Variants in GRID2 observed in about 807,000 individuals in gnomAD.
GRID2 encodes the protein glutamate receptor ionotropic, delta-2.
In GRID2, 33 loss-of-function variants were observed where a neutral mutation model predicts 114.8. That is an observed-to-expected ratio of 0.29 (90% CI 0.22 to 0.38). The LOEUF (loss-of-function observed/expected upper bound fraction) is 0.38, where lower values mean the gene tolerates loss of function less well. GRID2 is among the 10% of genes least tolerant of loss of function. The pLI, the probability that GRID2 is intolerant of heterozygous loss-of-function variation, is 1.00. For missense variants in GRID2, 1,184 were observed against 1,257.7 expected, an observed-to-expected ratio of 0.94 and a Z score of 0.89; for synonymous variants, 505 against 449.9, an observed-to-expected ratio of 1.12 and a Z score of -1.55.
At chr4:92,788,017 A>G (rs892798184) in intron 2 of GRID2, among the ~76,000 whole-genome samples, 2 of 151,882 alleles carry the variant, frequency 1.3e-5, no homozygotes, top group Non-Finnish European at 2.9e-5. Context: ...TAAGAGTTAA[A>G]TATATATAAT....
chr4:93,153,798 G>T (rs2149399985), intron 4 of GRID2, among the ~76,000 whole-genome samples: 1 of 152,140 alleles, frequency 6.6e-6, no homozygotes, highest in South Asian at 2.1e-4. Flanking sequence ...GAAATAATTG[G>T]AATTTAGTTC....
intron 4 of GRID2, among the ~76,000 whole-genome samples, chr4:93,194,071 T>C: frequency 6.6e-6 from 1 of 152,184 alleles, no homozygotes; most frequent in Non-Finnish European, 1.5e-5. Context: ...TTTAACAGTT[T>C]AGCGGAACTC....
intron 1 of GRID2, among the ~76,000 whole-genome samples, chr4:92,509,806 G>A (rs567098197): frequency 2.0e-5 from 3 of 151,940 alleles, no homozygotes; most frequent in East Asian, 3.9e-4. Flanking sequence ...CAGCATGCTC[G>A]GTATATTGTA....
intron 1 of GRID2, among the ~76,000 whole-genome samples, chr4:93,783,396 A>C (rs4693340): frequency 6.6e-6 from 1 of 152,122 alleles, no homozygotes; most frequent in Non-Finnish European, 1.5e-5. Context: ...TTTCCTCCTC[A>C]ATGGGCTATT....
intron 2 of GRID2, among the ~76,000 whole-genome samples, chr4:92,879,047 A>C (rs906959863): frequency 6.6e-6 from 1 of 152,162 alleles, no homozygotes; most frequent in Non-Finnish European, 1.5e-5. Flanking sequence ...GCTTTATCTT[A>C]TTTTGACATC....
chr4:92,671,098 C>A (rs965263342), intron 2 of GRID2, among the ~76,000 whole-genome samples: 1 of 151,968 alleles, frequency 6.6e-6, no homozygotes, highest in Non-Finnish European at 1.5e-5. Context: ...ACTCATAGTT[C>A]CACAGACTGT....
At chr4:92,937,070 T>G (rs981189086) in intron 2 of GRID2, among the ~76,000 whole-genome samples, 1 of 146,696 alleles carries the variant, frequency 6.8e-6, no homozygotes, top group African/African-American at 2.4e-5. Flanking sequence ...TCTTTATACT[T>G]TCTGCATACT....
intron 1 of GRID2, among the ~76,000 whole-genome samples, chr4:92,334,048 T>G (rs1447143125): frequency 6.6e-6 from 1 of 152,176 alleles, no homozygotes; most frequent in African/African-American, 2.4e-5. Context: ...GGTATCCTGG[T>G]TCACTGCTCT....
intron 2 of GRID2, among the ~76,000 whole-genome samples, chr4:92,741,328 A>G (rs1172042378): frequency 2.0e-5 from 3 of 152,170 alleles, no homozygotes; most frequent in Non-Finnish European, 4.4e-5. Context: ...GATAATCGTA[A>G]TAATTTCCAT....
intron 13 of GRID2, among the ~76,000 whole-genome samples, chr4:93,593,567 C>T (rs573462204): frequency 2.7e-5 from 4 of 146,716 alleles, no homozygotes; most frequent in East Asian, 2.0e-4. Flanking sequence ...ATCTTTGTGG[C>T]GTTCTCTGTA....
intron 8 of GRID2, among the ~76,000 whole-genome samples, chr4:93,285,236 T>C: frequency 6.6e-6 from 1 of 152,098 alleles, no homozygotes; most frequent in East Asian, 1.9e-4. Flanking sequence ...CATGAGTCTG[T>C]GCACTTAAGT....
intron 1 of GRID2, among the ~76,000 whole-genome samples, chr4:92,408,518 G>C (rs1027196754): frequency 8.0e-6 from 1 of 125,486 alleles, no homozygotes; most frequent in Admixed American, 9.8e-5. Flanking sequence ...CTGTGAAAAT[G>C]ACCTTGGTAT....
intron 1 of GRID2, among the ~76,000 whole-genome samples, chr4:92,528,371 TAAG>T (rs776830342): frequency 5.0e-4 from 76 of 151,490 alleles, no homozygotes; most frequent in Non-Finnish European, 9.4e-4. Context: ...TGTATCATCT[TAAG>T]AATCATTGTT....
chr4:93,632,009 GTCT>G (rs1161334764), intron 14 of GRID2, among the ~76,000 whole-genome samples: 7 of 152,144 alleles, frequency 4.6e-5, no homozygotes, highest in African/African-American at 1.7e-4. Flanking sequence ...CTGCATAAAA[GTCT>G]TCTTTTGAGA....
chr4:93,573,459 A>G (rs1337136612), intron 13 of GRID2, among the ~76,000 whole-genome samples: 1 of 152,152 alleles, frequency 6.6e-6, no homozygotes, highest in African/African-American at 2.4e-5. Context: ...TATCTTCATC[A>G]GGGTGCTTTC....
intron 4 of GRID2, among the ~76,000 whole-genome samples, chr4:93,156,904 A>G (rs1737235102): frequency 6.6e-6 from 1 of 151,602 alleles, no homozygotes; most frequent in Non-Finnish European, 1.5e-5. Flanking sequence ...TTGTTTGTTG[A>G]ATAAAAGGAA....
intron 1 of GRID2, among the ~76,000 whole-genome samples, chr4:92,546,659 A>C (rs1026015682): frequency 3.9e-5 from 6 of 152,220 alleles, no homozygotes; most frequent in Admixed American, 2.0e-4. Flanking sequence ...ACCTTAGTAA[A>C]CTGAGATTAC....
At chr4:92,636,428 G>A (rs1731068707) in intron 2 of GRID2, among the ~76,000 whole-genome samples, 1 of 151,960 alleles carries the variant, frequency 6.6e-6, no homozygotes, top group East Asian at 1.9e-4. Flanking sequence ...GAGTACATAT[G>A]CTTTTTGTTA....
chr4:92,336,264 G>A (rs1017721517), intron 1 of GRID2, among the ~76,000 whole-genome samples: 15 of 152,098 alleles, frequency 9.9e-5, no homozygotes, highest in African/African-American at 3.4e-4. Flanking sequence ...GCTTCATTAT[G>A]ATGTCTGTTT....
Sources: gnomAD v4.1 joint callset for allele counts (sites outside exome capture counted in the v4.1 genomes callset) on GRCh38, gnomAD v4.1.1 for gene constraint, MANE v1.5 for transcripts, NCBI Gene and HGNC (gene_info 2026-07-23, HGNC 2026-07-21) for gene names.